Variants in LARGE1 observed in about 807,000 individuals in gnomAD.
LARGE1 encodes the protein xylosyl- and glucuronyltransferase LARGE1.
In LARGE1, 43 loss-of-function variants were observed where a neutral mutation model predicts 87.6. The observed-to-expected ratio is 0.49, with a 90% CI of 0.38 to 0.63. LARGE1 has a LOEUF of 0.63. Among genes scored for constraint, LARGE1 ranks in the 30% least tolerant of loss-of-function variants. LARGE1 has a pLI of 0.00. For synonymous variants in LARGE1, 434 were observed against 394.6 expected, an observed-to-expected ratio of 1.10 and a Z score of -1.18; for missense variants, 802 against 1,000.2, an observed-to-expected ratio of 0.80 and a Z score of 2.67.
At chr22:33,911,448 G>A (rs2065635035) in intron 1 of LARGE1, among the ~76,000 whole-genome samples, 1 of 152,144 alleles carries the variant, frequency 6.6e-6, no homozygotes, top group African/African-American at 2.4e-5. Context: ...TATGGTCGAG[G>A]AGAGTTCTTC....
chr22:33,225,004 G>A (rs1288482318), intron 11 of LARGE1, among the ~76,000 whole-genome samples: 2 of 152,344 alleles, frequency 1.3e-5, no homozygotes, highest in African/African-American at 2.4e-5. Context: ...TCGCTGACTG[G>A]AAACCCAGGT....
chr22:33,868,994 A>G (rs1569000168), intron 1 of LARGE1, among the ~76,000 whole-genome samples: 2 of 152,194 alleles, frequency 1.3e-5, no homozygotes. Context: ...TGTGGAAAGA[A>G]GGGCCATGAA....
chr22:33,509,594 G>A (rs1477202045), intron 6 of LARGE1, among the ~76,000 whole-genome samples: 1 of 151,962 alleles, frequency 6.6e-6, no homozygotes, highest in Non-Finnish European at 1.5e-5. Flanking sequence ...CAGACTACAG[G>A]TGCATGCCAC....
chr22:33,286,606 T>A (rs867766309), intron 12 of LARGE1, among the ~76,000 whole-genome samples: 3 of 152,120 alleles, frequency 2.0e-5, no homozygotes, highest in African/African-American at 7.2e-5. Flanking sequence ...TAAGGACAAA[T>A]CTCTCTAAAC....
chr22:33,815,925 T>C (rs750866744), intron 1 of LARGE1, among the ~76,000 whole-genome samples: 3 of 152,192 alleles, frequency 2.0e-5, no homozygotes, highest in Non-Finnish European at 4.4e-5. Context: ...CAGATCATCA[T>C]AAGTACTACT....
intron 11 of LARGE1, among the ~76,000 whole-genome samples, chr22:33,265,404 C>T (rs777711234): frequency 7.1e-4 from 108 of 152,164 alleles, no homozygotes; most frequent in Non-Finnish European, 1.3e-3. Flanking sequence ...TGAATCCAAG[C>T]GCTCTCTCGT....
At chr22:33,286,555 G>A (rs745484919) in intron 12 of LARGE1, among the ~76,000 whole-genome samples, 7 of 152,120 alleles carry the variant, frequency 4.6e-5, no homozygotes, top group Non-Finnish European at 8.8e-5. Flanking sequence ...CTGCCCGCAT[G>A]GTGCTTACAT....
intron 6 of LARGE1, among the ~76,000 whole-genome samples, chr22:33,542,061 C>G (rs2077226228): frequency 2.0e-5 from 3 of 149,584 alleles, no homozygotes; most frequent in Middle Eastern, 3.5e-3. Flanking sequence ...ACTCAGGAGG[C>G]TGAGGCAGGA....
intron 1 of LARGE1, among the ~76,000 whole-genome samples, chr22:33,835,741 GA>G: frequency 6.6e-6 from 1 of 152,194 alleles, no homozygotes; most frequent in East Asian, 1.9e-4. Context: ...TAAAATAGGG[GA>G]AATTGAGGCA....
intron 1 of LARGE1, among the ~76,000 whole-genome samples, chr22:33,787,993 T>G (rs1433214083): frequency 6.6e-6 from 1 of 152,208 alleles, no homozygotes; most frequent in East Asian, 1.9e-4. Flanking sequence ...ACAGAGTTCA[T>G]GAAACCCTGC....
At chr22:33,161,326 C>T (rs1454937182), downstream of LARGE1, among the ~76,000 whole-genome samples, 1 of 152,056 alleles carries the variant, frequency 6.6e-6, no homozygotes, top group Non-Finnish European at 1.5e-5. Context: ...TATCATTCTG[C>T]CCCCGGCCCC....
the LARGE1 span, among the ~76,000 whole-genome samples, chr22:33,156,517 T>C: frequency 6.6e-6 from 1 of 152,206 alleles, no homozygotes; most frequent in East Asian, 1.9e-4. Context: ...ACCTTTGTTT[T>C]GGACAATTTC....
intron 1 of LARGE1, among the ~76,000 whole-genome samples, chr22:33,843,013 G>A (rs2063326677): frequency 6.6e-6 from 1 of 152,020 alleles, no homozygotes; most frequent in African/African-American, 2.4e-5. Context: ...CCTCTGGGGG[G>A]GTCCTGTCTA....
the LARGE1 span, among the ~76,000 whole-genome samples, chr22:33,113,211 T>TC: frequency 2.0e-5 from 3 of 150,340 alleles, no homozygotes; most frequent in African/African-American, 7.3e-5. Context: ...TTATCTTTTT[T>TC]TTTTTTTTTT....
intron 6 of LARGE1, among the ~76,000 whole-genome samples, chr22:33,556,209 C>A (rs2077671616): frequency 6.6e-6 from 1 of 151,860 alleles, no homozygotes; most frequent in Non-Finnish European, 1.5e-5. Flanking sequence ...TCAGATGTAT[C>A]TAGAATCTAG....
intron 11 of LARGE1, among the ~76,000 whole-genome samples, chr22:33,252,357 C>T (rs1189633671): frequency 1.3e-5 from 2 of 150,386 alleles, no homozygotes; most frequent in Non-Finnish European, 2.9e-5. Context: ...GTCTTCCAGC[C>T]TAACTCTCCT....
At chr22:33,551,926 G>A (rs1188738671) in intron 6 of LARGE1, among the ~76,000 whole-genome samples, 2 of 148,484 alleles carry the variant, frequency 1.3e-5, no homozygotes, top group Non-Finnish European at 3.0e-5. Flanking sequence ...CCCGGGAGGC[G>A]GAGCATGCAG....
chr22:33,195,818 G>T (rs1430722154), intron 11 of LARGE1, among the ~76,000 whole-genome samples: 2 of 147,316 alleles, frequency 1.4e-5, no homozygotes, highest in Non-Finnish European at 3.0e-5. Flanking sequence ...GCAGTGGCGC[G>T]ATCTCAGCTC....
chr22:33,314,806 G>A (rs1205199990), intron 11 of LARGE1, among the ~76,000 whole-genome samples: 1 of 152,198 alleles, frequency 6.6e-6, no homozygotes, highest in Non-Finnish European at 1.5e-5. Context: ...CTGACAAGGT[G>A]GGAAGGGGCA....
Sources: gnomAD v4.1 joint callset for allele counts (sites outside exome capture counted in the v4.1 genomes callset) on GRCh38, gnomAD v4.1.1 for gene constraint, MANE v1.5 for transcripts, NCBI Gene and HGNC (gene_info 2026-07-23, HGNC 2026-07-21) for gene names.